SEMA3A: variants seen among roughly 807,000 people sequenced by gnomAD.
SEMA3A encodes the protein semaphorin-3A.
SEMA3A carries 29 observed loss-of-function variants against 97.9 expected under a neutral mutation model. That is an observed-to-expected ratio of 0.30 (90% CI 0.22 to 0.40). The LOEUF is 0.40. SEMA3A is among the 10% of genes least tolerant of loss of function. SEMA3A has a pLI of 1.00. For missense variants in SEMA3A, 763 were observed against 951.3 expected, an observed-to-expected ratio of 0.80 and a Z score of 2.60; for synonymous variants, 321 against 323.7, an observed-to-expected ratio of 0.99 and a Z score of 0.09.
chr7:84,054,616 G>T (rs4386923), intron 5 of SEMA3A, among the ~76,000 whole-genome samples: 74,470 of 118,546 alleles, frequency 0.63, 23,213 homozygotes, highest in East Asian at 0.82. Context: ...TAAATTTTTT[G>T]CAAAGTTTTC....
At chr7:84,190,153 T>A (rs1215944809) in intron 1 of SEMA3A, among the ~76,000 whole-genome samples, 7 of 151,768 alleles carry the variant, frequency 4.6e-5, no homozygotes, top group African/African-American at 1.7e-4. Flanking sequence ...AAGTCTACAC[T>A]GTATAAATTC....
chr7:84,262,680 G>A (rs471152), intron 3 of SEMA3A, among the ~76,000 whole-genome samples: 107,499 of 152,084 alleles, frequency 0.71, 38,191 homozygotes, highest in East Asian at 0.79. Flanking sequence ...TAGATATATG[G>A]GTGACAAAAA....
intron 1 of SEMA3A, among the ~76,000 whole-genome samples, chr7:84,422,434 A>G (rs886701484): frequency 2.0e-5 from 3 of 151,496 alleles, no homozygotes; most frequent in Non-Finnish European, 4.4e-5. Flanking sequence ...CTGGCTATCC[A>G]TCTATCTATT....
chr7:83,971,757 G>A (rs1206185855), intron 15 of SEMA3A, among the ~76,000 whole-genome samples: 1 of 152,114 alleles, frequency 6.6e-6, no homozygotes, highest in East Asian at 1.9e-4. Flanking sequence ...AGCTTGCCAA[G>A]TACAAAAATA....
intron 1 of SEMA3A, among the ~76,000 whole-genome samples, chr7:84,394,323 T>C (rs532764033): frequency 1.3e-5 from 2 of 152,120 alleles, no homozygotes; most frequent in South Asian, 2.1e-4. Flanking sequence ...CATTAATTAA[T>C]AAACTTTACC....
At chr7:84,064,867 A>T (rs1307710625) in intron 4 of SEMA3A, among the ~76,000 whole-genome samples, 20 of 152,140 alleles carry the variant, frequency 1.3e-4, no homozygotes, top group Non-Finnish European at 2.2e-4. Flanking sequence ...TCAACGAGAC[A>T]GAAAGTCAAC....
At chr7:84,086,744 A>T (rs553151603) in intron 4 of SEMA3A, among the ~76,000 whole-genome samples, 49 of 149,862 alleles carry the variant, frequency 3.3e-4, no homozygotes, top group Middle Eastern at 3.5e-3. Context: ...GTATATATAT[A>T]TTTTTTTCCA....
Position 84,002,030 on chromosome 7 carries a change from A to C in SEMA3A, c.1377T>G (p.Leu459=). Residue 459 remains leucine (L), a synonymous_variant, in exon 12 of 17, where the codon CTT becomes CTG. Transcript: ENST00000265362. The part of the protein sequence containing the change: ...MFIGTDVGTV[L]KVVSIPKETW... Reference sequence around the variant, plus strand: ...TCTCCTTAGGAATTGAAACTACTTTAAGAACGGTCCCAACATCTTTGAAAG... The same window carrying C: ...TCTCCTTAGGAATTGAAACTACTTTCAGAACGGTCCCAACATCTTTGAAAG... The C allele has an allele frequency of 6.2e-7, 1 of 1,608,674 alleles. No individual in the cohort carries two copies.
At chr7:84,145,414 T>C (rs986251292) in intron 1 of SEMA3A, among the ~76,000 whole-genome samples, 5 of 152,104 alleles carry the variant, frequency 3.3e-5, no homozygotes, top group African/African-American at 7.2e-5. Context: ...AACCACATTA[T>C]TTTTTTAATG....
At chr7:84,215,596 T>C (rs961014422) in intron 3 of SEMA3A, among the ~76,000 whole-genome samples, 24 of 151,366 alleles carry the variant, frequency 1.6e-4, no homozygotes, top group Admixed American at 1.2e-3. Context: ...ACAGCCCTTA[T>C]TGCCATCTGC....
intron 1 of SEMA3A, among the ~76,000 whole-genome samples, chr7:84,416,643 A>G (rs1190563858): frequency 6.6e-6 from 1 of 152,178 alleles, no homozygotes; most frequent in Non-Finnish European, 1.5e-5. Flanking sequence ...TGAAGTTGAA[A>G]AAACTCTTTC....
chr7:84,452,063 T>C (rs1013412119), intron 1 of SEMA3A, among the ~76,000 whole-genome samples: 22 of 152,226 alleles, frequency 1.4e-4, no homozygotes, highest in Non-Finnish European at 2.1e-4. Context: ...TTCCTCTCTT[T>C]GCTTGTTACT....
intron 1 of SEMA3A, among the ~76,000 whole-genome samples, chr7:84,158,429 G>A (rs1796921979): frequency 6.6e-6 from 1 of 152,094 alleles, no homozygotes; most frequent in Non-Finnish European, 1.5e-5. Context: ...TGGGATTATA[G>A]GCGTGAGCCA....
chr7:84,425,402 T>G (rs1804778824), intron 1 of SEMA3A, among the ~76,000 whole-genome samples: 3 of 133,042 alleles, frequency 2.3e-5, no homozygotes, highest in Non-Finnish European at 3.1e-5. Flanking sequence ...TATATTCACA[T>G]AAATATATGC....
At position 84,057,219 on chromosome 7, in the gene SEMA3A, A is replaced by G. The variant is rs73378807; in HGVS notation, c.547+3246T>C. 4.7e-3 allele frequency among the ~76,000 whole-genome samples: 712 copies of G among 152,292 alleles called. 4 individuals carry two copies. The highest frequency in any genetic ancestry group is 0.016 in the African/African-American group (650 of 41,570). On this transcript the variant is annotated intron_variant, in intron 5 of 16. Transcript: ENST00000265362. ...CAATAATACCTCTTAGGGATGGAAT[A>G]TTTCTAAATTATTAGTGCTGCATTG...
chr7:83,970,451 T>G (rs1265435350), intron 15 of SEMA3A, among the ~76,000 whole-genome samples: 6 of 152,102 alleles, frequency 3.9e-5, no homozygotes, highest in African/African-American at 1.4e-4. Flanking sequence ...ATTTCAGCTT[T>G]CTATTTATTC....
At chr7:84,332,274 A>C (rs181693245) in intron 2 of SEMA3A, among the ~76,000 whole-genome samples, 9 of 152,280 alleles carry the variant, frequency 5.9e-5, no homozygotes, top group African/African-American at 2.2e-4. Context: ...GAAAAAAATA[A>C]CATTATATTT....
chr7:84,444,144 C>G (rs1409803534), intron 1 of SEMA3A, among the ~76,000 whole-genome samples: 1 of 152,048 alleles, frequency 6.6e-6, no homozygotes, highest in Admixed American at 6.6e-5. Context: ...GCTTGGCCTC[C>G]AAAATTGCTA....
At chr7:84,474,005 T>A (rs1035100720) in intron 1 of SEMA3A, among the ~76,000 whole-genome samples, 1 of 152,182 alleles carries the variant, frequency 6.6e-6, no homozygotes, top group African/African-American at 2.4e-5. Flanking sequence ...CATGGCTGTG[T>A]GTTTTCCATC....
Sources: gnomAD v4.1 joint callset for allele counts (sites outside exome capture counted in the v4.1 genomes callset) on GRCh38, gnomAD v4.1.1 for gene constraint, MANE v1.5 for transcripts, NCBI Gene and HGNC (gene_info 2026-07-23, HGNC 2026-07-21) for gene names.